The following CCDC171 variants were observed in gnomAD, a reference collection of about 807,000 sequenced individuals.
CCDC171 encodes the protein coiled-coil domain containing 171.
Under a neutral mutation model 168.2 loss-of-function variants are expected in CCDC171, and 177 were observed. The observed-to-expected ratio is 1.05, with a 90% CI of 0.93 to 1.19. The LOEUF (loss-of-function observed/expected upper bound fraction) is 1.19. Ranked by LOEUF, CCDC171 falls within the 50% of genes most tolerant of loss-of-function variation. The pLI, the probability that CCDC171 is intolerant of heterozygous loss-of-function variation, is 0.00. For synonymous variants in CCDC171, 687 were observed against 540.8 expected (o/e 1.27, Z -3.75); for missense variants, 1,991 against 1,539.0 (o/e 1.29, Z -4.91).
intron 6 of CCDC171, among the ~76,000 whole-genome samples, chr9:16,024,786 C>T (rs1833241896): frequency 6.6e-6 from 1 of 152,198 alleles, no homozygotes; most frequent in Non-Finnish European, 1.5e-5. Context: ...TATGGAAGAA[C>T]ATGTATGCAG....
At chr9:15,912,490 G>A (rs1823829674) in intron 24 of CCDC171, among the ~76,000 whole-genome samples, 1 of 152,152 alleles carries the variant, frequency 6.6e-6, no homozygotes, top group South Asian at 2.1e-4. Flanking sequence ...CATGTCATCT[G>A]CAAACAGAGG....
At chr9:15,869,223 A>G (rs1025413272) in intron 23 of CCDC171, among the ~76,000 whole-genome samples, 2 of 152,008 alleles carry the variant, frequency 1.3e-5, no homozygotes, top group Non-Finnish European at 2.9e-5. Context: ...ATTATTACTA[A>G]TAGAAGTAGT....
intron 7 of CCDC171, among the ~76,000 whole-genome samples, chr9:15,633,932 C>T (rs952542761): frequency 4.0e-5 from 6 of 151,718 alleles, no homozygotes; most frequent in South Asian, 2.1e-4. Context: ...GAACAACAAA[C>T]GAAACACCGC....
intron 18 of CCDC171, among the ~76,000 whole-genome samples, chr9:15,766,606 C>G (rs1564368930): frequency 6.6e-6 from 1 of 151,874 alleles, no homozygotes; most frequent in Non-Finnish European, 1.5e-5. Flanking sequence ...ATGGTAAGGG[C>G]CAACTCTTCC....
At chr9:15,677,005 G>C (rs909830742) in intron 9 of CCDC171, among the ~76,000 whole-genome samples, 1 of 152,016 alleles carries the variant, frequency 6.6e-6, no homozygotes, top group Admixed American at 6.6e-5. Flanking sequence ...ATCATTTTTT[G>C]TTCCCAGTGT....
chr9:15,811,139 C>T (rs951151612), intron 21 of CCDC171, among the ~76,000 whole-genome samples: 1 of 152,222 alleles, frequency 6.6e-6, no homozygotes, highest in South Asian at 2.1e-4. Context: ...GAAAGAGAAA[C>T]TTACCTGCAA....
intron 10 of CCDC171, among the ~76,000 whole-genome samples, chr9:15,688,187 A>G (rs1390277125): frequency 1.3e-5 from 2 of 152,024 alleles, no homozygotes; most frequent in African/African-American, 4.8e-5. Flanking sequence ...GTCTTAGAAT[A>G]TCAAAATACA....
At chr9:15,908,005 A>G (rs1048020420) in intron 24 of CCDC171, among the ~76,000 whole-genome samples, 7 of 151,920 alleles carry the variant, frequency 4.6e-5, no homozygotes, top group Non-Finnish European at 1.0e-4. Flanking sequence ...TCAGGAAACA[A>G]CAGGTGCTGG....
At chr9:15,823,669 T>G (rs7019205) in intron 21 of CCDC171, among the ~76,000 whole-genome samples, 5 of 151,920 alleles carry the variant, frequency 3.3e-5, no homozygotes, top group African/African-American at 1.2e-4. Flanking sequence ...ATATTTGTAA[T>G]GTTGCATGAA....
intron 18 of CCDC171, among the ~76,000 whole-genome samples, chr9:15,756,190 G>A (rs2056102955): frequency 6.6e-6 from 1 of 151,892 alleles, no homozygotes; most frequent in Non-Finnish European, 1.5e-5. Context: ...ACATAGAGAG[G>A]ATTTACTTTC....
chr9:16,056,563 C>G (rs1454884780), intron 1 of CCDC171, among the ~76,000 whole-genome samples: 2 of 152,192 alleles, frequency 1.3e-5, no homozygotes, highest in African/African-American at 4.8e-5. Flanking sequence ...TCTCGGCTCA[C>G]TGCAACCTCC....
intron 21 of CCDC171, among the ~76,000 whole-genome samples, chr9:15,807,060 C>T (rs1055640088): frequency 5.3e-5 from 8 of 152,070 alleles, no homozygotes; most frequent in African/African-American, 1.9e-4. Flanking sequence ...GTGTTTTTCC[C>T]CTCTGTCAGA....
intron 15 of CCDC171, 95 bp downstream of exon 15, chr9:15,728,131 CA>C (rs1227542220): frequency 8.3e-6 from 8 of 959,634 alleles, no homozygotes; most frequent in Middle Eastern, 2.8e-4. Flanking sequence ...CATCTTATTT[CA>C]AAAAGAATTT....
At chr9:15,720,694 A>G (rs1409104403) in intron 11 of CCDC171, among the ~76,000 whole-genome samples, 1 of 152,182 alleles carries the variant, frequency 6.6e-6, no homozygotes, top group Non-Finnish European at 1.5e-5. Context: ...TTTTTTTAGT[A>G]TATTTTTTAT....
Position 15,879,536 on chromosome 9 carries a change from C to G in CCDC171, c.3600+4873C>G, listed in dbSNP as rs116054730. ...TACTATTGAATATTAGAACTTATAC[C>G]TTCTAGCTAACTATTTTTGTACTCT... On this transcript the variant is annotated intron_variant, in intron 24 of 25. Transcript: ENST00000380701. Among the ~76,000 whole-genome samples the G allele has an allele frequency of 5.2e-3, 794 of 151,932 alleles. 5 individuals are homozygous for G. Among genetic ancestry groups the G allele is most frequent in the African/African-American group, 0.019 (778 of 41,462 alleles).
intron 18 of CCDC171, among the ~76,000 whole-genome samples, chr9:15,772,788 G>T (rs533820404): frequency 6.6e-6 from 1 of 152,080 alleles, no homozygotes; most frequent in African/African-American, 2.4e-5. Flanking sequence ...ATTGAAGAGC[G>T]GGAAGACTAG....
intron 25 of CCDC171, among the ~76,000 whole-genome samples, chr9:15,950,658 G>A (rs1045479494): frequency 2.6e-5 from 4 of 151,822 alleles, no homozygotes; most frequent in African/African-American, 7.3e-5. Flanking sequence ...GATACCAGCC[G>A]CTGCAAAATC....
chr9:15,861,356 AT>A (rs1324909505), intron 23 of CCDC171, among the ~76,000 whole-genome samples: 1 of 151,218 alleles, frequency 6.6e-6, no homozygotes, highest in Non-Finnish European at 1.5e-5. Context: ...TTTGTTCATC[AT>A]TTTCTGTTTG....
the CCDC171 span, among the ~76,000 whole-genome samples, chr9:16,068,031 A>G: frequency 1.3e-5 from 2 of 151,468 alleles, no homozygotes; most frequent in South Asian, 2.1e-4. Context: ...CTGTTTGCAG[A>G]CGACATGATT....
Sources: allele counts gnomAD v4.1 joint callset (sites outside exome capture counted in the v4.1 genomes callset), GRCh38; gene constraint gnomAD v4.1.1; transcripts MANE v1.5; gene names NCBI Gene and HGNC (gene_info 2026-07-23, HGNC 2026-07-21).